SCAI: variants seen among roughly 807,000 people sequenced by gnomAD.
The protein encoded by SCAI is suppressor of cancer cell invasion, also known as protein SCAI.
A neutral mutation model predicts 92.2 loss-of-function variants in SCAI; 24 were observed. That is an observed-to-expected ratio of 0.26 (90% CI 0.19 to 0.37). The LOEUF (loss-of-function observed/expected upper bound fraction) is 0.37. Among genes scored for constraint, SCAI ranks in the 10% least tolerant of loss-of-function variants. The pLI, the probability that SCAI is intolerant of heterozygous loss-of-function variation, is 1.00. For synonymous variants in SCAI, 261 were observed against 258.6 expected, an observed-to-expected ratio of 1.01 and a Z score of -0.09; for missense variants, 450 against 736.2, an observed-to-expected ratio of 0.61 and a Z score of 4.50.
rs1186127074 is a variant in SCAI at position 125,091,808 on chromosome 9, T to A, written c.99-35801A>T. ...TCAGCTGATGGCAATTGTTTTATAT[T>A]TCACTAAAAAACAGAGGCTTGGGCC... On this transcript the variant is annotated intron_variant, in intron 2 of 17. Transcript: ENST00000336505. The surrounding 1 kb of genome is among the most constrained non-coding windows in gnomAD (Gnocchi z 4.3). 6.6e-6 allele frequency among the ~76,000 whole-genome samples: 1 copy of A among 152,084 alleles called. No homozygotes were observed. Among genetic ancestry groups the A allele is most frequent in the Non-Finnish European group, 1.5e-5 (1 of 68,018 alleles).
chr9:124,962,423 A>G (rs1831458851), intron 17 of SCAI, among the ~76,000 whole-genome samples: 1 of 152,110 alleles, frequency 6.6e-6, no homozygotes, highest in Non-Finnish European at 1.5e-5. Context: ...GGCCTGCCAA[A>G]GTGCTGGGAT....
At position 124,967,012 on chromosome 9, in the gene SCAI, CCTT is replaced by C. The variant is rs1476826642; in HGVS notation, c.1674+4355_1674+4357del. Among the ~76,000 whole-genome samples the C allele has an allele frequency of 3.3e-5, 5 of 151,498 alleles. No homozygotes were observed. The East Asian group carries it at 9.7e-4, about 29-fold the overall frequency. ...TAATACAAACTTGTCACTAATAAAT[CCTT>C]CTTTAAGTAAGAAAATAATATAACA... On this transcript the variant is annotated intron_variant, in intron 17 of 17. Transcript: ENST00000336505.
chr9:125,066,594 T>A (rs1833876272), intron 2 of SCAI, among the ~76,000 whole-genome samples: 1 of 152,110 alleles, frequency 6.6e-6, no homozygotes, highest in Non-Finnish European at 1.5e-5. Context: ...TAGCTGGGAC[T>A]ACAGGTGCCT....
intron 2 of SCAI, among the ~76,000 whole-genome samples, chr9:125,063,979 C>G (rs1030595134): frequency 3.3e-5 from 5 of 152,150 alleles, no homozygotes; most frequent in African/African-American, 1.2e-4. Context: ...ATCTTGAACT[C>G]CAGACTCAGG....
At chr9:124,991,838 A>G (rs1832133120) in intron 14 of SCAI, among the ~76,000 whole-genome samples, 2 of 152,212 alleles carry the variant, frequency 1.3e-5, no homozygotes, top group African/African-American at 4.8e-5. Flanking sequence ...CTCTGTCTCA[A>G]AAACAAAAAA....
chr9:125,106,952 T>C (rs937035740), intron 2 of SCAI, among the ~76,000 whole-genome samples: 2 of 151,070 alleles, frequency 1.3e-5, no homozygotes, highest in Admixed American at 6.6e-5. Context: ...TGGGCTCAAA[T>C]GATCCTCCTG....
intron 9 of SCAI, among the ~76,000 whole-genome samples, chr9:125,006,570 C>T (rs1168945112): frequency 1.3e-5 from 2 of 152,210 alleles, no homozygotes; most frequent in Admixed American, 6.5e-5. Flanking sequence ...CGGCTCACTG[C>T]AACCTCTGCC....
chr9:125,026,530 G>T (rs1162109674), intron 6 of SCAI, among the ~76,000 whole-genome samples: 1 of 152,146 alleles, frequency 6.6e-6, no homozygotes, highest in Non-Finnish European at 1.5e-5. Flanking sequence ...CCTTGTTTTG[G>T]AGTCATTTCT....
At chr9:125,111,165 C>CT (rs1481084057) in intron 2 of SCAI, among the ~76,000 whole-genome samples, 1 of 151,084 alleles carries the variant, frequency 6.6e-6, no homozygotes, top group Non-Finnish European at 1.5e-5. Flanking sequence ...AGGATCGTGA[C>CT]TAAGTTGGGT....
chr9:124,963,544 G>A (rs1452443843), intron 17 of SCAI, among the ~76,000 whole-genome samples: 4 of 151,854 alleles, frequency 2.6e-5, no homozygotes, highest in Non-Finnish European at 5.9e-5. Flanking sequence ...GAGGCCAGGA[G>A]TTCGAGACCA....
intron 3 of SCAI, among the ~76,000 whole-genome samples, chr9:125,041,636 C>T (rs993730750): frequency 1.3e-5 from 2 of 152,088 alleles, no homozygotes; most frequent in African/African-American, 4.8e-5. Context: ...AACAGGACTT[C>T]GTACGCAGGC....
intron 2 of SCAI, among the ~76,000 whole-genome samples, chr9:125,068,635 T>C (rs544378105): frequency 1.3e-5 from 2 of 152,076 alleles, no homozygotes; most frequent in East Asian, 3.9e-4. Flanking sequence ...CCAGCCTGAA[T>C]AACATGGCAA....
chr9:125,045,266 A>G (rs1187435840), intron 3 of SCAI, among the ~76,000 whole-genome samples: 1 of 152,214 alleles, frequency 6.6e-6, no homozygotes, highest in Non-Finnish European at 1.5e-5. Context: ...GGGTTTCGCC[A>G]TGTTGGCCAG....
intron 2 of SCAI, among the ~76,000 whole-genome samples, chr9:125,136,981 A>G (rs988887507): frequency 6.8e-6 from 1 of 147,700 alleles, no homozygotes; most frequent in Non-Finnish European, 1.5e-5. Context: ...CTGGTCTTGA[A>G]CTCCTGACCT....
At chr9:124,960,988 C>T (rs1831424111) in intron 17 of SCAI, among the ~76,000 whole-genome samples, 1 of 151,950 alleles carries the variant, frequency 6.6e-6, no homozygotes. Flanking sequence ...CATGTTGGTG[C>T]ACCGTACTCA....
At chr9:124,974,492 T>C (rs1831719325) in intron 15 of SCAI, among the ~76,000 whole-genome samples, 1 of 151,562 alleles carries the variant, frequency 6.6e-6, no homozygotes, top group South Asian at 2.1e-4. Context: ...AACTCTTGGC[T>C]AATGAGAAAA....
rs771837312 is a variant in SCAI, at chr9:125,003,181, G to A, written c.998C>T (p.Pro333Leu). Residue 333 changes from proline (P) to leucine (L), a missense_variant, in exon 11 of 18, where the codon CCC (proline) becomes CTC (leucine). Transcript: ENST00000336505. ...TGGTTTGTAGAGCAGATACTTGTGGGGGTTTTCTCGTCTAGTAGGCTTGTC... is the reference window on the plus strand; with the variant it reads ...TGGTTTGTAGAGCAGATACTTGTGGAGGTTTTCTCGTCTAGTAGGCTTGTC... ...SADKPTRREN[P>L]HKYLLYKPTF... 3.7e-6 allele frequency: 6 copies of A among 1,613,738 alleles called. No individual in the cohort carries two copies. In the Admixed American group the frequency reaches 5.0e-5, roughly 13 times the overall value.
At chr9:124,961,246 C>T (rs951469675) in intron 17 of SCAI, among the ~76,000 whole-genome samples, 1 of 148,828 alleles carries the variant, frequency 6.7e-6, no homozygotes, top group Non-Finnish European at 1.5e-5. Context: ...TCAGCCTAGG[C>T]AACATAGGAA....
rs1410031763 is a variant in SCAI at position 124,971,375 on chromosome 9, A to T, written c.1669T>A (p.Phe557Ile). 1.2e-6 allele frequency: 2 copies of T among 1,601,748 alleles called. No individual in the cohort carries two copies. The highest frequency in any genetic ancestry group is 3.5e-5 in the Admixed American group (2 of 57,628). Reference sequence around the variant, plus strand: ...TAATAATGTTCTTTGCCTACCCGAAAAATCTTGTGCATCCTCATGGTGGCT... The same window carrying T: ...TAATAATGTTCTTTGCCTACCCGAATAATCTTGTGCATCCTCATGGTGGCT... ...CSATMRMHKI[F>I]RETRNYPESY... Residue 557 changes from phenylalanine to isoleucine, a missense_variant, in exon 17 of 18, where the codon TTT (phenylalanine) becomes ATT (isoleucine). This residue lies in a region of SCAI where 360 missense variants were observed against 601.8 expected (regional missense o/e 0.60). Coordinates refer to ENST00000336505, the MANE Select transcript of SCAI (RefSeq NM_001144877.3).
Sources: gnomAD v4.1 joint callset for allele counts (sites outside exome capture counted in the v4.1 genomes callset) on GRCh38, gnomAD v4.1.1 for gene constraint, gnomAD v4.1.1 regional missense constraint, Gnocchi (gnomAD v3.1) non-coding constraint, MANE v1.5 for transcripts, NCBI Gene and HGNC (gene_info 2026-07-23, HGNC 2026-07-21) for gene names.